Variants in TENM2 observed in about 807,000 individuals in gnomAD.
The protein encoded by TENM2 is teneurin-2.
In TENM2, 52 loss-of-function variants were observed where a neutral mutation model predicts 245.2. The observed-to-expected ratio is 0.21, with a 90% CI of 0.17 to 0.27. The LOEUF is 0.27. Ranked by LOEUF, TENM2 falls within the 10% of genes least tolerant of loss-of-function variation. TENM2 has a pLI of 1.00. For missense variants in TENM2, 3,046 were observed against 3,666.8 expected, an observed-to-expected ratio of 0.83 and a Z score of 4.37; for synonymous variants, 1,363 against 1,438.9, an observed-to-expected ratio of 0.95 and a Z score of 1.19.
chr5:167,037,087 AT>A, the TENM2 span, among the ~76,000 whole-genome samples: 2 of 152,190 alleles, frequency 1.3e-5, no homozygotes, highest in African/African-American at 4.8e-5. Flanking sequence ...TTTGATCTGA[AT>A]TTGGCTTGGA....
intron 12 of TENM2, among the ~76,000 whole-genome samples, chr5:168,144,016 AT>A (rs35008835): frequency 0.85 from 121,709 of 142,616 alleles, 52,041 homozygotes; most frequent in East Asian, 0.97. Flanking sequence ...TGCCCAGCTA[AT>A]TTTTTTTTTT....
chr5:167,555,505 C>T lies in TENM2; in HGVS notation c.502+180032C>T, dbSNP rs1277243681. Among the ~76,000 whole-genome samples, 10 of 152,258 alleles carry T rather than the reference C, an allele frequency of 6.6e-5. No individual in the cohort carries two copies. The East Asian group carries it at 1.4e-3, about 21-fold the overall frequency. On this transcript the variant is annotated intron_variant, in intron 2 of 28. Transcript: ENST00000518659. ...AAGTTATTGTCTTCTCCTCACTGTA[C>T]GGCTTTTTGTACAACATAAGAAGTC...
rs190566254 is a variant in TENM2 at position 168,247,962 on chromosome 5, G to A, written c.7023G>A (p.Ser2341=). The change falls in exon 27 of 29, where the codon TCG becomes TCA. Residue 2341 remains serine (S), a synonymous_variant. Coordinates refer to ENST00000518659, the Ensembl canonical transcript of TENM2. The surrounding 1 kb of genome is among the most constrained non-coding windows in gnomAD (Gnocchi z 7.8). ...CCCATGTCTACAATCACTCCAACTCGGAGATTACCTCACTGTACTACGACC... is the reference window on the plus strand; with the variant it reads ...CCCATGTCTACAATCACTCCAACTCAGAGATTACCTCACTGTACTACGACC... 341 of 1,613,868 alleles carry A rather than the reference G, an allele frequency of 2.1e-4. 1 individual carries two copies. The highest frequency in any genetic ancestry group is 3.7e-4 in the South Asian group (34 of 91,068).
At chr5:167,260,785 A>T in the TENM2 span, among the ~76,000 whole-genome samples, 1 of 152,220 alleles carries the variant, frequency 6.6e-6, no homozygotes, top group Admixed American at 6.5e-5. Flanking sequence ...GTGGTGGTAT[A>T]AAGGCAATAT....
the TENM2 span, among the ~76,000 whole-genome samples, chr5:167,037,557 A>G: frequency 2.0e-5 from 3 of 151,922 alleles, no homozygotes; most frequent in Admixed American, 6.5e-5. Flanking sequence ...TTATACTGGG[A>G]CCCTCTTTCT....
chr5:167,505,043 CAG>C (rs1211938854), intron 2 of TENM2, among the ~76,000 whole-genome samples: 3 of 152,084 alleles, frequency 2.0e-5, no homozygotes, highest in South Asian at 2.1e-4. Context: ...GAAAACAAAT[CAG>C]GGGTAAAGTG....
chr5:167,326,148 G>A (rs1196300119), intron 1 of TENM2, among the ~76,000 whole-genome samples: 2 of 152,150 alleles, frequency 1.3e-5, no homozygotes, highest in African/African-American at 4.8e-5. Flanking sequence ...CGCAGGGTTA[G>A]AGAGAAAGGT....
At chr5:167,593,260 A>G (rs769736802) in intron 2 of TENM2, among the ~76,000 whole-genome samples, 9 of 152,208 alleles carry the variant, frequency 5.9e-5, no homozygotes, top group Admixed American at 3.9e-4. Context: ...TTTGAGTTTT[A>G]ATCGAATCAC....
the TENM2 span, among the ~76,000 whole-genome samples, chr5:167,209,424 C>T: frequency 1.3e-5 from 2 of 151,882 alleles, no homozygotes; most frequent in Non-Finnish European, 2.9e-5. Flanking sequence ...CCACCATGCT[C>T]AGCTAATTTT....
intron 13 of TENM2, among the ~76,000 whole-genome samples, chr5:168,183,609 G>A (rs1451621641): frequency 6.6e-6 from 1 of 151,936 alleles, no homozygotes; most frequent in Non-Finnish European, 1.5e-5. Flanking sequence ...TTTCCATCAC[G>A]AACAACCAGA....
the TENM2 span, among the ~76,000 whole-genome samples, chr5:167,041,353 T>C: frequency 6.6e-6 from 1 of 152,168 alleles, no homozygotes; most frequent in African/African-American, 2.4e-5. Context: ...GTCTCAGATA[T>C]CCACAGCTAC....
Position 167,510,986 on chromosome 5 carries a change from A to G in TENM2, c.502+135513A>G, listed in dbSNP as rs988137323. ...GAGAGAAATGGATTTGGGGAAGGAG[A>G]CAAGTGTGGTCCTGTTTGAACATGG... On this transcript the variant is annotated intron_variant, in intron 2 of 28. Transcript: ENST00000518659. Among the ~76,000 whole-genome samples, 4 of 152,128 alleles carry G rather than the reference A, an allele frequency of 2.6e-5. No homozygotes were observed. The South Asian group carries it at 8.3e-4, about 32-fold the overall frequency.
the TENM2 span, among the ~76,000 whole-genome samples, chr5:167,080,698 A>G: frequency 6.6e-6 from 1 of 152,188 alleles, no homozygotes; most frequent in East Asian, 1.9e-4. Flanking sequence ...CTAGAATTCT[A>G]CAAATAAGGG....
chr5:167,536,981 G>A (rs960556848), intron 2 of TENM2, among the ~76,000 whole-genome samples: 4 of 152,014 alleles, frequency 2.6e-5, no homozygotes, highest in Admixed American at 2.6e-4. Flanking sequence ...CCAAGATCAC[G>A]CCACTGCACT....
chr5:167,415,832 A>G (rs1200484575), intron 2 of TENM2, among the ~76,000 whole-genome samples: 1 of 152,156 alleles, frequency 6.6e-6, no homozygotes, highest in African/African-American at 2.4e-5. Context: ...CTCTAGTAAT[A>G]TAATTTGAAG....
At chr5:168,018,935 C>T (rs528543645) in intron 5 of TENM2, among the ~76,000 whole-genome samples, 2 of 152,120 alleles carry the variant, frequency 1.3e-5, no homozygotes, top group African/African-American at 2.4e-5. Flanking sequence ...AAGGAGACCA[C>T]GCCTGTGCTA....
At chr5:168,186,811 G>A (rs1054755668) in intron 13 of TENM2, 2 of 152,190 alleles carry the variant, frequency 1.3e-5, no homozygotes, top group Non-Finnish European at 2.9e-5. Flanking sequence ...TTGATTGCCT[G>A]CTTGATTGTT....
chr5:167,275,100 A>G, the TENM2 span, among the ~76,000 whole-genome samples: 2 of 152,028 alleles, frequency 1.3e-5, no homozygotes, highest in African/African-American at 4.8e-5. Flanking sequence ...CAATTGCTCC[A>G]ATACCCTTTG....
chr5:167,677,075 T>A (rs558638552), intron 2 of TENM2, among the ~76,000 whole-genome samples: 2 of 152,132 alleles, frequency 1.3e-5, no homozygotes, highest in Non-Finnish European at 2.9e-5. Flanking sequence ...CCTTTCCACA[T>A]GTGGAGGACA....
Sources: allele counts gnomAD v4.1 joint callset (sites outside exome capture counted in the v4.1 genomes callset), GRCh38; gene constraint gnomAD v4.1.1; non-coding constraint Gnocchi (gnomAD v3.1); transcripts MANE v1.5; gene names NCBI Gene and HGNC (gene_info 2026-07-23, HGNC 2026-07-21).